The following DTL variants were observed in gnomAD, a reference collection of about 807,000 sequenced individuals.
DTL encodes denticleless E3 ubiquitin protein ligase adapter, also known as denticleless protein homolog.
Under a neutral mutation model 87.0 loss-of-function variants are expected in DTL, and 46 were observed. The ratio of observed to expected loss-of-function variants is 0.53; its 90% CI spans 0.42 to 0.68. The LOEUF (loss-of-function observed/expected upper bound fraction) is 0.68, where lower values mean the gene tolerates loss of function less well. Ranked by LOEUF, DTL falls within the 30% of genes least tolerant of loss-of-function variation. The probability of loss-of-function intolerance (pLI) is 0.00; values close to 1 mark genes in which losing one functional copy is unlikely to be tolerated. For missense variants in DTL, 737 were observed against 869.4 expected, an observed-to-expected ratio of 0.85 and a Z score of 1.91; for synonymous variants, 308 against 311.2, an observed-to-expected ratio of 0.99 and a Z score of 0.11.
chr1:212,059,109 TAACACC>T (rs532072838), intron 5 of DTL, among the ~76,000 whole-genome samples: 223 of 152,198 alleles, frequency 1.5e-3, no homozygotes, highest in Non-Finnish European at 2.8e-3. Flanking sequence ...TTTAAAGAAC[TAACACC>T]AGTTCTCAAA....
chr1:212,071,837 C>T (rs1367036153), intron 10 of DTL, among the ~76,000 whole-genome samples: 2 of 152,094 alleles, frequency 1.3e-5, no homozygotes, highest in Non-Finnish European at 2.9e-5. Flanking sequence ...AATGTTTTCC[C>T]TCCAATTTTT....
rs181933401 is a variant in DTL, at chr1:212,053,009, C to T, written c.460+5592C>T. Among the ~76,000 whole-genome samples the T allele has an allele frequency of 1.4e-3, 216 of 152,292 alleles. 1 individual carries two copies. Among genetic ancestry groups the T allele is most frequent in the African/African-American group, 4.9e-3 (203 of 41,560 alleles). Reference sequence around the variant, plus strand: ...ACCCATTCCTTCCAACCTTATACAACCACTATAGTAATTTCGGTCTCTATA... The same window carrying T: ...ACCCATTCCTTCCAACCTTATACAATCACTATAGTAATTTCGGTCTCTATA... On this transcript the variant is annotated intron_variant, in intron 5 of 14. Transcript: ENST00000366991.
chr1:212,049,299 G>A (rs1405662807), intron 5 of DTL, among the ~76,000 whole-genome samples: 1 of 152,074 alleles, frequency 6.6e-6, no homozygotes. Flanking sequence ...GGGGAAATAT[G>A]GCATGATTTT....
At chr1:212,053,218 A>G (rs1307340387) in intron 5 of DTL, among the ~76,000 whole-genome samples, 1 of 151,380 alleles carries the variant, frequency 6.6e-6, no homozygotes, top group Non-Finnish European at 1.5e-5. Context: ...TCTTAGGCCT[A>G]TCCAGTGATT....
chr1:212,043,580 C>T (rs1004355055), intron 2 of DTL, among the ~76,000 whole-genome samples: 5 of 151,974 alleles, frequency 3.3e-5, no homozygotes, highest in Admixed American at 6.6e-5. Flanking sequence ...TTGTAATCCC[C>T]GAACTTTGGG....
intron 5 of DTL, among the ~76,000 whole-genome samples, chr1:212,048,950 TCTCA>T (rs1667884434): frequency 6.6e-6 from 1 of 152,018 alleles, no homozygotes; most frequent in African/African-American, 2.4e-5. Context: ...TGAGACAAAG[TCTCA>T]CTCTGTTGCC....
Position 212,103,149 on chromosome 1 carries a change from A to C in DTL, c.*209A>C, listed in dbSNP as rs1020274365. ...ATGTATATGCAGCTTCCCGAGGATG[A>C]ATGCTGTGTTTAAATTTCATAAAGT... On this transcript the variant is annotated 3_prime_UTR_variant, in exon 15 of 15. Transcript: ENST00000366991. The C allele has an allele frequency of 1.2e-5, 4 of 337,320 alleles. No individual in the cohort carries two copies. The highest frequency in any genetic ancestry group is 1.6e-5 in the Non-Finnish European group (3 of 187,374). The allele number at this position is 337,320 out of a possible 1,614,324, so 20.9% of individuals were successfully genotyped here. A position where few individuals can be genotyped will look rare whatever the true frequency, so the allele number is the denominator to read the frequency against.
At chr1:212,055,479 C>T (rs1668141660) in intron 5 of DTL, among the ~76,000 whole-genome samples, 2 of 152,162 alleles carry the variant, frequency 1.3e-5, no homozygotes, top group Non-Finnish European at 2.9e-5. Flanking sequence ...TGCCCTGCCA[C>T]CCAGGCTGAA....
intron 8 of DTL, 151 bp downstream of exon 8, chr1:212,067,036 T>C (rs1571959827): frequency 9.3e-6 from 6 of 644,492 alleles, no homozygotes; most frequent in East Asian, 2.8e-5. Context: ...TAGATCACAT[T>C]GGAAAATACC....
At chr1:212,047,040 C>A in intron 3 of DTL, 111 bp from the exon 4 acceptor site, 1 of 892,198 alleles carries the variant, frequency 1.1e-6, no homozygotes, top group Non-Finnish European at 1.8e-6. Flanking sequence ...CTCTAATGAT[C>A]AACTACTGAT....
At position 212,054,149 on chromosome 1, in the gene DTL, G is replaced by A. The variant is rs1668084908; in HGVS notation, c.460+6732G>A. On this transcript the variant is annotated intron_variant, in intron 5 of 14. Coordinates refer to ENST00000366991, the MANE Select transcript of DTL (RefSeq NM_016448.4). ...TTAGTTTAAGCCTCAGCTGCAAACT[G>A]CTTTCAGTTTCTCTTGCCCATATGG... Among the ~76,000 whole-genome samples, 4 of 152,208 alleles carry A rather than the reference G, an allele frequency of 2.6e-5. No individual in the cohort carries two copies. The South Asian group carries it at 6.2e-4, about 24-fold the overall frequency.
At chr1:212,090,775 G>A (rs920838947) in intron 13 of DTL, among the ~76,000 whole-genome samples, 2 of 152,238 alleles carry the variant, frequency 1.3e-5, no homozygotes, top group East Asian at 1.9e-4. Context: ...GGGAAGCCAT[G>A]TGAGGCCTGA....
At chr1:212,038,141 G>A (rs185360037) in intron 1 of DTL, among the ~76,000 whole-genome samples, 15 of 152,284 alleles carry the variant, frequency 9.9e-5, no homozygotes, top group Non-Finnish European at 1.8e-4. Flanking sequence ...CACATCTTTG[G>A]CATGTGGGAG....
intron 1 of DTL, among the ~76,000 whole-genome samples, chr1:212,041,181 T>C (rs1366275769): frequency 1.3e-5 from 2 of 152,122 alleles, no homozygotes; most frequent in Non-Finnish European, 2.9e-5. Context: ...CAGTGAAGTG[T>C]GTATTGCAGG....
At chr1:212,102,231 A>G (rs1012895741) in intron 14 of DTL, among the ~76,000 whole-genome samples, 1 of 152,204 alleles carries the variant, frequency 6.6e-6, no homozygotes, top group African/African-American at 2.4e-5. Context: ...GTTATAAGGA[A>G]TCTTTCCTTC....
chr1:212,046,271 T>G (rs1450926104), intron 3 of DTL, among the ~76,000 whole-genome samples: 1 of 152,202 alleles, frequency 6.6e-6, no homozygotes, highest in Non-Finnish European at 1.5e-5. Flanking sequence ...TACTGATTTT[T>G]TATGTGTGCA....
At chr1:212,070,110 A>C (rs1654627142) in intron 10 of DTL, among the ~76,000 whole-genome samples, 1 of 152,198 alleles carries the variant, frequency 6.6e-6, no homozygotes, top group Non-Finnish European at 1.5e-5. Context: ...TTTCCTTGAA[A>C]GATAAAGCGT....
chr1:212,093,617 G>A (rs1000205182), intron 13 of DTL, among the ~76,000 whole-genome samples: 1 of 152,206 alleles, frequency 6.6e-6, no homozygotes, highest in Non-Finnish European at 1.5e-5. Context: ...CTGCTGGCCT[G>A]CCGGCCTGCC....
At chr1:212,100,112 T>G in intron 13 of DTL, 140 bp from the exon 14 acceptor site, 2 of 553,432 alleles carry the variant, frequency 3.6e-6, no homozygotes, top group Non-Finnish European at 6.4e-6. Context: ...AAGGGTGTGG[T>G]TGGAATCAAG....
Sources: allele counts gnomAD v4.1 joint callset (sites outside exome capture counted in the v4.1 genomes callset), GRCh38; gene constraint gnomAD v4.1.1; transcripts MANE v1.5; gene names NCBI Gene and HGNC (gene_info 2026-07-23, HGNC 2026-07-21).